Variants in ALMS1 observed in about 807,000 individuals in gnomAD.
The protein encoded by ALMS1 is ALMS1 centrosome and basal body associated protein.
Under a neutral mutation model 352.2 loss-of-function variants are expected in ALMS1, and 271 were observed. The observed-to-expected ratio is 0.77, with a 90% CI of 0.70 to 0.85. ALMS1 has a LOEUF of 0.85. Among genes scored for constraint, ALMS1 ranks in the 40% least tolerant of loss-of-function variants. ALMS1 has a pLI of 0.00. For missense variants in ALMS1, 5,445 were observed against 4,870.7 expected (o/e 1.12, Z -3.51); for synonymous variants, 1,865 against 1,761.2 (o/e 1.06, Z -1.48).
chr2:73,544,283 G>A (rs968639745), intron 12 of ALMS1, among the ~76,000 whole-genome samples: 3 of 152,110 alleles, frequency 2.0e-5, no homozygotes, highest in African/African-American at 4.8e-5. Flanking sequence ...ACCAAACACT[G>A]CATGTTGTCA....
intron 12 of ALMS1, among the ~76,000 whole-genome samples, chr2:73,541,460 G>T (rs1674177868): frequency 6.6e-6 from 1 of 152,138 alleles, no homozygotes; most frequent in South Asian, 2.1e-4. Context: ...ACAATTAAAA[G>T]AACTAGAGAA....
At chr2:73,508,480 C>G (rs548604367) in intron 10 of ALMS1, among the ~76,000 whole-genome samples, 1 of 152,222 alleles carries the variant, frequency 6.6e-6, no homozygotes, top group South Asian at 2.1e-4. Context: ...GCTGGGGTTA[C>G]AGATGTGAGC....
At chr2:73,454,961 G>A (rs1672029703) in intron 8 of ALMS1, among the ~76,000 whole-genome samples, 1 of 152,184 alleles carries the variant, frequency 6.6e-6, no homozygotes, top group African/African-American at 2.4e-5. Flanking sequence ...ATTATCTATA[G>A]AGCATGACTT....
At chr2:73,492,303 A>G (rs1377053956) in intron 10 of ALMS1, among the ~76,000 whole-genome samples, 1 of 152,098 alleles carries the variant, frequency 6.6e-6, no homozygotes, top group African/African-American at 2.4e-5. Context: ...ATGTTTATTC[A>G]TAATCTACAT....
At chr2:73,492,179 C>A (rs576777690) in intron 10 of ALMS1, among the ~76,000 whole-genome samples, 130 of 152,236 alleles carry the variant, frequency 8.5e-4, no homozygotes, top group African/African-American at 3.1e-3. Context: ...ACTTAATGAG[C>A]CTCTTATGAT....
intron 11 of ALMS1, among the ~76,000 whole-genome samples, chr2:73,531,209 G>C (rs774387939): frequency 3.9e-5 from 6 of 152,160 alleles, no homozygotes; most frequent in Non-Finnish European, 8.8e-5. Context: ...TTAAACATAA[G>C]TTCCAATTTC....
rs371753410 is a variant in ALMS1 at position 73,395,036 on chromosome 2, ATG to A, written c.324+8852_324+8853del. 1.4e-4 allele frequency among the ~76,000 whole-genome samples: 15 copies of A among 105,316 alleles called. 1 individual carries two copies. Among genetic ancestry groups the A allele is most frequent in the African/African-American group, 6.7e-4 (12 of 17,972 alleles). 69.1% of individuals were successfully genotyped at this position (105,316 alleles called of 152,430 possible). A position where few individuals can be genotyped will look rare whatever the true frequency, so the allele number is the denominator to read the frequency against. ...TATGTGTATATATATGTGTATATAT[ATG>A]TGTGTGTATATATATATATGTGTAT... On this transcript the variant is annotated intron_variant, in intron 1 of 22. Coordinates refer to ENST00000613296, the MANE Select transcript of ALMS1 (RefSeq NM_001378454.1).
At chr2:73,509,489 A>G (rs556164008) in intron 10 of ALMS1, among the ~76,000 whole-genome samples, 4 of 152,174 alleles carry the variant, frequency 2.6e-5, no homozygotes, top group Non-Finnish European at 1.5e-5. Context: ...ACCTGTCTGT[A>G]AAGGATTTTA....
intron 2 of ALMS1, 47 bp from the exon 3 acceptor site, chr2:73,419,076 G>A: frequency 1.4e-6 from 2 of 1,464,444 alleles, no homozygotes; most frequent in Non-Finnish European, 1.9e-6. Flanking sequence ...AATATGTATG[G>A]TAACTCAGTT....
Position 73,449,441 on chromosome 2 carries a change from A to G in ALMS1, c.2914A>G (p.Ser972Gly), listed in dbSNP as rs1248599344. The change falls in exon 8 of 23, where the codon AGT becomes GGT. Residue 972 changes from serine to glycine, a missense_variant. Ser to Gly is a moderately conservative substitution (Grantham distance 56). Transcript: ENST00000613296. ...SVFYQQELPD[S>G]DLPRESLKMS... ...TTTCTACCAGCAAGAGTTGCCAGAC[A>G]GTGATCTACCTAGAGAATCTCTGAA... The G allele has an allele frequency of 4.3e-6, 7 of 1,614,096 alleles. No individual in the cohort carries two copies. The highest frequency in any genetic ancestry group is 5.9e-6 in the Non-Finnish European group (7 of 1,179,986).
intron 21 of ALMS1, among the ~76,000 whole-genome samples, chr2:73,606,282 T>A (rs998246851): frequency 6.6e-6 from 1 of 152,260 alleles, no homozygotes; most frequent in Non-Finnish European, 1.5e-5. Flanking sequence ...AGATAAAACC[T>A]ACATTGGGAT....
At chr2:73,458,458 G>C (rs1207716723) in intron 9 of ALMS1, 1 of 151,994 alleles carries the variant, frequency 6.6e-6, no homozygotes, top group Non-Finnish European at 1.5e-5. Context: ...ACACACCACT[G>C]AACAAAATAG....
At chr2:73,494,433 A>G (rs1020913997) in intron 10 of ALMS1, among the ~76,000 whole-genome samples, 11 of 152,360 alleles carry the variant, frequency 7.2e-5, no homozygotes, top group South Asian at 2.1e-4. Flanking sequence ...AGAAATTATT[A>G]TTGGTGTAAA....
chr2:73,496,388 TG>T (rs1348985353), intron 10 of ALMS1, among the ~76,000 whole-genome samples: 1 of 152,212 alleles, frequency 6.6e-6, no homozygotes, highest in African/African-American at 2.4e-5. Flanking sequence ...AAAATGCATT[TG>T]ACACATCCAT....
chr2:73,534,919 T>A lies in ALMS1; in HGVS notation c.9877T>A (p.Ser3293Thr). ...AATTCCTCCATCTCCGGATTCCAAA[T>A]CAGATACCACCGTTGAAAGCTCCCA... ...RQIPPSPDSK[S>T]DTTVESSHSG... Residue 3293 changes from serine (S) to threonine (T), a missense_variant, in exon 12 of 23, where the codon TCA becomes ACA. Physicochemically the swap from Ser to Thr is moderately conservative, Grantham distance 58. Coordinates refer to ENST00000613296, the MANE Select transcript of ALMS1 (RefSeq NM_001378454.1). 1 of 1,613,836 alleles carries A rather than the reference T, an allele frequency of 6.2e-7. No homozygotes were observed. Among genetic ancestry groups the A allele is most frequent in the Non-Finnish European group, 8.5e-7 (1 of 1,179,792 alleles).
chr2:73,427,568 A>G (rs1671407833), intron 6 of ALMS1, among the ~76,000 whole-genome samples: 1 of 151,940 alleles, frequency 6.6e-6, no homozygotes, highest in Admixed American at 6.6e-5. Context: ...TACAGGTGTC[A>G]TGGTGGTTTG....
At chr2:73,409,440 A>G (rs1286071706) in intron 2 of ALMS1, among the ~76,000 whole-genome samples, 1 of 152,096 alleles carries the variant, frequency 6.6e-6, no homozygotes, top group African/African-American at 2.4e-5. Flanking sequence ...CTTCACAAGT[A>G]TTCTTAAGAG....
Position 73,453,784 on chromosome 2 carries a change from C to T in ALMS1, c.7257C>T (p.Ala2419=), listed in dbSNP as rs1476708147. 2.5e-6 allele frequency: 4 copies of T among 1,613,986 alleles called. No individual in the cohort carries two copies. In the African/African-American group the frequency reaches 4.0e-5, roughly 16 times the overall value. The change falls in exon 8 of 23, where the codon GCC becomes GCT. Residue 2419 remains alanine, a synonymous_variant. Coordinates refer to ENST00000613296, the MANE Select transcript of ALMS1 (RefSeq NM_001378454.1). ...TAAAAAGTGATTCAAGTAGTGATGC[C>T]AGTGATGGAAATGGTTCCTGCTCGT... ...TVIKSDSSSD[A]SDGNGSCSWD...
intron 9 of ALMS1, among the ~76,000 whole-genome samples, chr2:73,475,429 G>A (rs180709948): frequency 2.0e-5 from 3 of 152,206 alleles, no homozygotes; most frequent in Admixed American, 6.5e-5. Context: ...CTGGTTGGGT[G>A]TTAAGGGGTA....
Sources: allele counts gnomAD v4.1 joint callset (sites outside exome capture counted in the v4.1 genomes callset), GRCh38; gene constraint gnomAD v4.1.1; transcripts MANE v1.5; gene names NCBI Gene and HGNC (gene_info 2026-07-23, HGNC 2026-07-21).